KAT6A: variants seen among roughly 807,000 people sequenced by gnomAD.
The protein encoded by KAT6A is lysine acetyltransferase 6A, also known as histone acetyltransferase KAT6A.
In KAT6A, 9 loss-of-function variants were observed where a neutral mutation model predicts 198.4. The observed-to-expected ratio is 0.05, with a 90% CI of 0.03 to 0.08. The LOEUF is 0.08. Among genes scored for constraint, KAT6A ranks in the 10% least tolerant of loss-of-function variants. The probability of loss-of-function intolerance (pLI) is 1.00; values close to 1 mark genes in which losing one functional copy is unlikely to be tolerated. For synonymous variants in KAT6A, 890 were observed against 883.0 expected (o/e 1.01, Z -0.14); for missense variants, 2,077 against 2,509.9 (o/e 0.83, Z 3.69).
intron 5 of KAT6A, 88 bp from the exon 6 acceptor site, chr8:41,978,865 T>C: frequency 2.4e-6 from 3 of 1,254,870 alleles, no homozygotes; most frequent in Non-Finnish European, 3.4e-6. Flanking sequence ...GATCTTAACT[T>C]TTTCAGGTAA....
At chr8:42,049,842 C>T (rs745728562) in intron 1 of KAT6A, 1 of 152,194 alleles carries the variant, frequency 6.6e-6, no homozygotes, top group Non-Finnish European at 1.5e-5. Context: ...ACAATATGCA[C>T]ACCCAGTTTA....
intron 2 of KAT6A, among the ~76,000 whole-genome samples, chr8:42,041,192 CA>C (rs10595164): frequency 0.56 from 50,016 of 89,096 alleles, 9,793 homozygotes; most frequent in Middle Eastern, 0.64. Context: ...GATTCCGTCT[CA>C]AAAAAAAAAA....
intron 9 of KAT6A, 84 bp downstream of exon 9, chr8:41,955,212 G>A (rs1165795638): frequency 1.2e-6 from 1 of 837,254 alleles, no homozygotes; most frequent in Non-Finnish European, 2.0e-6. Context: ...AGGATAAGGT[G>A]GACTCAAACA....
At chr8:42,024,836 C>A (rs1276871268) in intron 2 of KAT6A, among the ~76,000 whole-genome samples, 1 of 152,006 alleles carries the variant, frequency 6.6e-6, no homozygotes, top group Non-Finnish European at 1.5e-5. Context: ...TTTTCTTTAT[C>A]CATTTAACAA....
rs1587767539 is a variant in KAT6A at position 41,974,520 on chromosome 8, C to T, written c.1482+184G>A. 3 of 424,426 alleles carry T rather than the reference C, an allele frequency of 7.1e-6. No individual in the cohort carries two copies. The East Asian group carries it at 1.0e-4, about 15-fold the overall frequency. The allele number at this position is 424,426 out of a possible 1,614,324, so 26.3% of individuals were successfully genotyped here. A position where few individuals can be genotyped will look rare whatever the true frequency, so the allele number is the denominator to read the frequency against. ...CAAAGCCATGTGCTTATCTGCAAAACCAAAGCAGTTATCATGGGTTTGAAA... is the reference window on the plus strand; with the variant it reads ...CAAAGCCATGTGCTTATCTGCAAAATCAAAGCAGTTATCATGGGTTTGAAA... On this transcript the variant is annotated intron_variant, in intron 8 of 16. Transcript: ENST00000265713.
At chr8:41,980,543 T>C (rs533916664) in intron 5 of KAT6A, among the ~76,000 whole-genome samples, 2 of 152,286 alleles carry the variant, frequency 1.3e-5, no homozygotes, top group East Asian at 3.9e-4. Flanking sequence ...TATTTCAAGA[T>C]ATATTTAAGG....
Position 41,947,752 on chromosome 8 carries a change from T to C in KAT6A, c.1901A>G (p.Lys634Arg). The change falls in exon 11 of 17, where the codon AAG (lysine) becomes AGG (arginine). Residue 634 changes from lysine (K) to arginine (R), a missense_variant and splice_region_variant. Lys to Arg is a conservative substitution (Grantham distance 26). Coordinates refer to ENST00000265713, the MANE Select transcript of KAT6A (RefSeq NM_006766.5). ...KGCHLVGYFS[K>R]EKHCQQKYNV... ...CAAACTTTAAGCTGACATACTTACC[T>C]TAGAAAAGTAGCCAACAAGGTGGCA... The C allele has an allele frequency of 6.3e-7, 1 of 1,588,876 alleles. No homozygotes were observed. The highest frequency in any genetic ancestry group is 1.2e-5 in the South Asian group (1 of 86,092).
At chr8:41,949,970 G>C (rs1822586042) in intron 9 of KAT6A, among the ~76,000 whole-genome samples, 1 of 152,012 alleles carries the variant, frequency 6.6e-6, no homozygotes, top group African/African-American at 2.4e-5. Context: ...AGTTTCCAAG[G>C]AACTTTTGTA....
At chr8:41,978,164 T>C (rs1824158507) in intron 6 of KAT6A, among the ~76,000 whole-genome samples, 1 of 152,244 alleles carries the variant, frequency 6.6e-6, no homozygotes, top group South Asian at 2.1e-4. Context: ...GACTTAGCCA[T>C]CACCTCAATA....
chr8:41,967,166 T>C (rs527953919), intron 8 of KAT6A, among the ~76,000 whole-genome samples: 105 of 152,226 alleles, frequency 6.9e-4, no homozygotes, highest in South Asian at 3.9e-3. Context: ...AAATACAATG[T>C]GCTCTTTGAT....
At position 41,977,087 on chromosome 8, in the gene KAT6A, C is replaced by A. The variant is rs2150886385; in HGVS notation, c.1284G>T (p.Gly428=). Residue 428 remains glycine (G), a synonymous_variant, in exon 7 of 17, where the codon GGG becomes GGT. Transcript: ENST00000265713. The part of the protein sequence containing the change: ...TPSPDGRKAR[G]EVVDYSEQYR... Reference sequence around the variant, plus strand: ...ATTGCTCAGAGTAGTCCACCACTTCCCCCCGAGCTTTCCGCCCATCAGGGG... The same window carrying A: ...ATTGCTCAGAGTAGTCCACCACTTCACCCCGAGCTTTCCGCCCATCAGGGG... 1.2e-6 allele frequency: 2 copies of A among 1,614,160 alleles called. No individual in the cohort carries two copies. Among genetic ancestry groups the A allele is most frequent in the Admixed American group, 3.3e-5 (2 of 60,020 alleles).
intron 2 of KAT6A, among the ~76,000 whole-genome samples, chr8:42,034,106 A>C (rs1048687487): frequency 6.6e-6 from 1 of 152,166 alleles, no homozygotes; most frequent in Non-Finnish European, 1.5e-5. Flanking sequence ...ATTTATGAGG[A>C]AGAAAAAATG....
chr8:41,977,491 A>G (rs1195731570), intron 6 of KAT6A, 164 bp from the exon 7 acceptor site: 2 of 505,478 alleles, frequency 4.0e-6, no homozygotes, highest in South Asian at 4.1e-5. Flanking sequence ...ATGAAAATTA[A>G]TATTATTATT....
intron 2 of KAT6A, among the ~76,000 whole-genome samples, chr8:42,002,766 G>C (rs1825559397): frequency 1.3e-5 from 2 of 152,068 alleles, no homozygotes; most frequent in South Asian, 4.1e-4. Flanking sequence ...ATCCCATATT[G>C]ATGAACATTT....
chr8:42,022,416 A>AT (rs1484339123), intron 2 of KAT6A, among the ~76,000 whole-genome samples: 5 of 151,974 alleles, frequency 3.3e-5, no homozygotes, highest in African/African-American at 7.2e-5. Flanking sequence ...AGAACTGTAC[A>AT]TTTTTTTTGG....
intron 15 of KAT6A, among the ~76,000 whole-genome samples, chr8:41,938,486 G>A (rs1409867558): frequency 1.3e-5 from 2 of 152,160 alleles, no homozygotes; most frequent in African/African-American, 4.8e-5. Flanking sequence ...AATCGAGAAT[G>A]TAATTTTCAA....
At chr8:42,022,711 T>C (rs901115152) in intron 2 of KAT6A, among the ~76,000 whole-genome samples, 2 of 152,184 alleles carry the variant, frequency 1.3e-5, no homozygotes, top group East Asian at 1.9e-4. Flanking sequence ...ATTCCACTTC[T>C]AGGGACTTAT....
chr8:41,993,330 G>T (rs544487961), intron 2 of KAT6A, among the ~76,000 whole-genome samples: 1 of 152,260 alleles, frequency 6.6e-6, no homozygotes, highest in Admixed American at 6.5e-5. Flanking sequence ...AAAACAATTT[G>T]CTGATTAGTC....
At chr8:42,007,634 T>C (rs956382143) in intron 2 of KAT6A, among the ~76,000 whole-genome samples, 2 of 152,020 alleles carry the variant, frequency 1.3e-5, no homozygotes, top group Non-Finnish European at 2.9e-5. Context: ...ACAGCAAAGG[T>C]TTCTCCTGGG....
Sources: gnomAD v4.1 joint callset for allele counts (sites outside exome capture counted in the v4.1 genomes callset) on GRCh38, gnomAD v4.1.1 for gene constraint, MANE v1.5 for transcripts, NCBI Gene and HGNC (gene_info 2026-07-23, HGNC 2026-07-21) for gene names.